CHST8: variants seen among roughly 807,000 people sequenced by gnomAD.
CHST8 encodes GALNAC-4-ST1.
In CHST8, 10 loss-of-function variants were observed where a neutral mutation model predicts 15.0. That is an observed-to-expected ratio of 0.67 (90% CI 0.41 to 1.13). The LOEUF is 1.13. Ranked by LOEUF, CHST8 falls within the 50% of genes most tolerant of loss-of-function variation. CHST8 has a pLI of 0.00. For synonymous variants in CHST8, 259 were observed against 256.6 expected, an observed-to-expected ratio of 1.01 and a Z score of -0.09; for missense variants, 634 against 608.2, an observed-to-expected ratio of 1.04 and a Z score of -0.45.
intron 1 of CHST8, among the ~76,000 whole-genome samples, chr19:33,642,692 C>A (rs1220380600): frequency 6.6e-6 from 1 of 152,234 alleles, no homozygotes; most frequent in African/African-American, 2.4e-5. Flanking sequence ...TGCGGAAATG[C>A]CTTTGCAAGA....
intron 3 of CHST8, among the ~76,000 whole-genome samples, chr19:33,700,426 C>T (rs1274750929): frequency 1.3e-5 from 2 of 152,202 alleles, no homozygotes; most frequent in Non-Finnish European, 2.9e-5. Context: ...TCCTGAACAG[C>T]GCCCAAGGCT....
intron 1 of CHST8, among the ~76,000 whole-genome samples, chr19:33,663,409 T>C (rs370044217): frequency 4.3e-4 from 65 of 152,052 alleles, no homozygotes; most frequent in African/African-American, 1.5e-3. Flanking sequence ...TACAAAAAAC[T>C]TAAAAATTAT....
intron 3 of CHST8, among the ~76,000 whole-genome samples, chr19:33,692,664 C>T (rs552235400): frequency 3.3e-5 from 5 of 152,270 alleles, no homozygotes; most frequent in Admixed American, 1.3e-4. Context: ...TGTGCCACTG[C>T]GCTCCAGCCT....
chr19:33,766,803 A>C (rs1449311502), intron 3 of CHST8, among the ~76,000 whole-genome samples: 2 of 152,222 alleles, frequency 1.3e-5, no homozygotes, highest in Non-Finnish European at 2.9e-5. Flanking sequence ...TGGGCAATGG[A>C]AGTGGACGTG....
chr19:33,670,934 G>T (rs1972728693), intron 2 of CHST8, among the ~76,000 whole-genome samples: 3 of 152,158 alleles, frequency 2.0e-5, no homozygotes, highest in Admixed American at 6.5e-5. Flanking sequence ...GGAAACTGAG[G>T]CATGAAGAGG....
intron 1 of CHST8, among the ~76,000 whole-genome samples, chr19:33,662,919 C>T (rs1030923511): frequency 6.6e-6 from 1 of 152,166 alleles, no homozygotes; most frequent in Admixed American, 6.5e-5. Flanking sequence ...CTGAGACAGT[C>T]ATTTATATTC....
At chr19:33,641,180 A>C (rs182422811) in intron 1 of CHST8, among the ~76,000 whole-genome samples, 1 of 151,466 alleles carries the variant, frequency 6.6e-6, no homozygotes, top group African/African-American at 2.4e-5. Context: ...TTCCCTACAA[A>C]CCTGTCTGCA....
rs1973105502 is a variant in CHST8 at position 33,691,906 on chromosome 19, G to A, written c.130+2515G>A. On this transcript the variant is annotated intron_variant, in intron 3 of 4. Coordinates refer to ENST00000650847, the MANE Select transcript of CHST8 (RefSeq NM_001127895.2). ...CATGGCATGAACTGTCCTGGGGACGGAGTTCTCTGGGAGCTGCAGTTTGTG... is the reference window on the plus strand; with the variant it reads ...CATGGCATGAACTGTCCTGGGGACGAAGTTCTCTGGGAGCTGCAGTTTGTG... Among the ~76,000 whole-genome samples the A allele has an allele frequency of 2.0e-5, 3 of 152,334 alleles. No homozygotes were observed. The East Asian group carries it at 5.8e-4, about 29-fold the overall frequency.
At chr19:33,756,499 C>T (rs1974549456) in intron 3 of CHST8, among the ~76,000 whole-genome samples, 1 of 152,160 alleles carries the variant, frequency 6.6e-6, no homozygotes, top group Non-Finnish European at 1.5e-5. Context: ...TGGGTCTTCT[C>T]CCCCAAGGGC....
intron 1 of CHST8, among the ~76,000 whole-genome samples, chr19:33,654,140 T>A (rs1392226437): frequency 6.6e-6 from 1 of 152,174 alleles, no homozygotes; most frequent in Non-Finnish European, 1.5e-5. Context: ...TAGCAATGAG[T>A]TTTTAATTTT....
chr19:33,753,127 C>T (rs1233651502), intron 3 of CHST8, among the ~76,000 whole-genome samples: 4 of 152,020 alleles, frequency 2.6e-5, no homozygotes, highest in Admixed American at 2.6e-4. Flanking sequence ...GCATCAGAGG[C>T]CACACAGGTC....
intron 3 of CHST8, among the ~76,000 whole-genome samples, chr19:33,721,140 C>G (rs754142797): frequency 6.6e-5 from 10 of 152,246 alleles, no homozygotes; most frequent in Admixed American, 2.6e-4. Context: ...AACCAGAAAG[C>G]TAGTGCTCTC....
chr19:33,622,985 C>T (rs1403251882), intron 1 of CHST8, among the ~76,000 whole-genome samples: 1 of 152,170 alleles, frequency 6.6e-6, no homozygotes, highest in African/African-American at 2.4e-5. Context: ...GAGCCGAGCT[C>T]TGACGGCGGC....
intron 2 of CHST8, among the ~76,000 whole-genome samples, chr19:33,677,305 T>G (rs1972823222): frequency 6.6e-6 from 1 of 152,098 alleles, no homozygotes; most frequent in African/African-American, 2.4e-5. Flanking sequence ...CGTACAGGGA[T>G]CATAATGGTT....
chr19:33,732,774 G>A (rs1348563630), intron 3 of CHST8, among the ~76,000 whole-genome samples: 5 of 152,040 alleles, frequency 3.3e-5, no homozygotes, highest in Non-Finnish European at 7.4e-5. Context: ...AAAGGCAGTG[G>A]GGCATGTGCA....
chr19:33,745,073 T>C (rs781222942), intron 3 of CHST8, among the ~76,000 whole-genome samples: 5 of 152,152 alleles, frequency 3.3e-5, no homozygotes, highest in Non-Finnish European at 5.9e-5. Context: ...TGTGTAGAGA[T>C]GGGCTCTGGC....
intron 3 of CHST8, among the ~76,000 whole-genome samples, chr19:33,764,018 CT>C (rs748903842): frequency 6.6e-6 from 1 of 152,248 alleles, no homozygotes; most frequent in Non-Finnish European, 1.5e-5. Context: ...GGGATTGCCC[CT>C]GTCTGCATCT....
intron 3 of CHST8, among the ~76,000 whole-genome samples, chr19:33,732,155 A>T (rs748015664): frequency 6.6e-6 from 1 of 152,178 alleles, no homozygotes; most frequent in Non-Finnish European, 1.5e-5. Flanking sequence ...CCTGAGGCTC[A>T]TGATTGCCCT....
chr19:33,714,132 C>T (rs925919905), intron 3 of CHST8, among the ~76,000 whole-genome samples: 11 of 152,056 alleles, frequency 7.2e-5, no homozygotes, highest in African/African-American at 1.2e-4. Context: ...CATTTGATCC[C>T]GCAGTTCCAC....
Sources: gnomAD v4.1 joint callset for allele counts (sites outside exome capture counted in the v4.1 genomes callset) on GRCh38, gnomAD v4.1.1 for gene constraint, MANE v1.5 for transcripts, NCBI Gene and HGNC (gene_info 2026-07-23, HGNC 2026-07-21) for gene names.